Variants in QTMAN observed in about 807,000 individuals in gnomAD.
The protein encoded by QTMAN is tRNA-queuosine alpha-mannosyltransferase.
At chr2:144,316,981 A>G in the QTMAN span, among the ~76,000 whole-genome samples, 1 of 152,226 alleles carries the variant, frequency 6.6e-6, no homozygotes, top group Admixed American at 6.5e-5. Context: ...TTTTGGAAAG[A>G]CAGAATTTAT....
the QTMAN span, among the ~76,000 whole-genome samples, chr2:144,268,432 G>A: frequency 1.3e-5 from 2 of 152,170 alleles, no homozygotes; most frequent in African/African-American, 4.8e-5. Context: ...GAGCCCTCAT[G>A]AATGGGGCTA....
At chr2:144,148,831 CTTCT>C in the QTMAN span, among the ~76,000 whole-genome samples, 1 of 151,936 alleles carries the variant, frequency 6.6e-6, no homozygotes, top group African/African-American at 2.4e-5. Context: ...CACGCCAACA[CTTCT>C]TTCAGTTTGT....
the QTMAN span, among the ~76,000 whole-genome samples, chr2:144,182,855 A>T: frequency 4.1e-5 from 3 of 73,842 alleles, no homozygotes; most frequent in South Asian, 9.8e-4. Context: ...TATATATTTT[A>T]TATATAATAT....
chr2:143,989,928 T>C, the QTMAN span, among the ~76,000 whole-genome samples: 8 of 152,148 alleles, frequency 5.3e-5, no homozygotes, highest in South Asian at 1.4e-3. Context: ...GAATCTATTA[T>C]CCCTGAATCG....
At chr2:144,275,999 C>A in the QTMAN span, among the ~76,000 whole-genome samples, 1 of 152,072 alleles carries the variant, frequency 6.6e-6, no homozygotes, top group Non-Finnish European at 1.5e-5. Flanking sequence ...CACATGCACA[C>A]GTGAAATTTT....
the QTMAN span, among the ~76,000 whole-genome samples, chr2:144,038,367 A>T: frequency 6.6e-6 from 1 of 152,262 alleles, no homozygotes; most frequent in Middle Eastern, 3.4e-3. Flanking sequence ...TATGTGTGTT[A>T]TATATACGTT....
At chr2:144,008,531 T>C in the QTMAN span, among the ~76,000 whole-genome samples, 1 of 152,020 alleles carries the variant, frequency 6.6e-6, no homozygotes, top group East Asian at 1.9e-4. Context: ...GGTCTGGATG[T>C]AAGGTCTAGA....
the QTMAN span, among the ~76,000 whole-genome samples, chr2:143,969,676 CCT>C: frequency 1.3e-5 from 2 of 152,088 alleles, no homozygotes; most frequent in Non-Finnish European, 1.5e-5. Flanking sequence ...AGAAAATGCC[CCT>C]GAGCTGAGAT....
the QTMAN span, among the ~76,000 whole-genome samples, chr2:144,319,089 A>T: frequency 6.6e-6 from 1 of 152,220 alleles, no homozygotes; most frequent in African/African-American, 2.4e-5. Context: ...AAATCATTTT[A>T]AGTGAATTTA....
At chr2:144,124,836 T>C in the QTMAN span, among the ~76,000 whole-genome samples, 1 of 152,134 alleles carries the variant, frequency 6.6e-6, no homozygotes, top group Non-Finnish European at 1.5e-5. Flanking sequence ...GCATTGAAAT[T>C]TTTGACATAA....
At chr2:143,966,033 T>C in the QTMAN span, among the ~76,000 whole-genome samples, 1 of 152,174 alleles carries the variant, frequency 6.6e-6, no homozygotes, top group Non-Finnish European at 1.5e-5. Context: ...CTGAACCCTA[T>C]ATTTACTGTT....
the QTMAN span, among the ~76,000 whole-genome samples, chr2:143,978,929 A>G: frequency 2.0e-5 from 3 of 152,256 alleles, no homozygotes; most frequent in African/African-American, 4.8e-5. Context: ...CTGCCCCAGC[A>G]GTCCAGTCCA....
chr2:144,019,446 G>GTGTA, the QTMAN span, among the ~76,000 whole-genome samples: 1 of 120,806 alleles, frequency 8.3e-6, no homozygotes, highest in East Asian at 3.2e-4. Flanking sequence ...GTGTGTGTGT[G>GTGTA]TGTGTGTGTG....
the QTMAN span, among the ~76,000 whole-genome samples, chr2:144,229,514 A>G: frequency 6.6e-6 from 1 of 152,142 alleles, no homozygotes; most frequent in East Asian, 1.9e-4. Flanking sequence ...GCCAAAAAGC[A>G]GTGGGTAATG....
chr2:144,152,700 T>C, the QTMAN span, among the ~76,000 whole-genome samples: 27 of 152,318 alleles, frequency 1.8e-4, no homozygotes, highest in Admixed American at 1.5e-3. Context: ...GATATATCTG[T>C]TTTTAGACAT....
At chr2:144,318,194 A>AACACACACACACACACACACAC in the QTMAN span, among the ~76,000 whole-genome samples, 14 of 141,934 alleles carry the variant, frequency 9.9e-5, no homozygotes, top group African/African-American at 3.4e-4. Flanking sequence ...TATTTAAATA[A>AACACACACACACACACACACAC]ACACACACAC....
chr2:144,295,068 T>C, the QTMAN span, among the ~76,000 whole-genome samples: 1 of 152,228 alleles, frequency 6.6e-6, no homozygotes, highest in Admixed American at 6.5e-5. Context: ...TGATTTCATA[T>C]TTCATATAAA....
At chr2:144,269,295 A>G in the QTMAN span, among the ~76,000 whole-genome samples, 4 of 152,336 alleles carry the variant, frequency 2.6e-5, no homozygotes, top group African/African-American at 7.2e-5. Flanking sequence ...GGAGAAGCTG[A>G]GTAAAACTCC....
chr2:143,949,132 A>G, the QTMAN span, among the ~76,000 whole-genome samples: 5,919 of 151,800 alleles, frequency 0.039, 387 homozygotes, highest in African/African-American at 0.14. Flanking sequence ...GTGTGTGTGT[A>G]TAAGAGAGAA....
Sources: gnomAD v4.1 joint callset for allele counts (sites outside exome capture counted in the v4.1 genomes callset) on GRCh38, gnomAD v4.1.1 for gene constraint, MANE v1.5 for transcripts, NCBI Gene and HGNC (gene_info 2026-07-23, HGNC 2026-07-21) for gene names.